Variants in TNNI3K observed in about 807,000 individuals in gnomAD.
TNNI3K encodes TNNI3 interacting kinase.
TNNI3K carries 140 observed loss-of-function variants against 114.5 expected under a neutral mutation model. The ratio of observed to expected loss-of-function variants is 1.22; its 90% CI spans 1.07 to 1.41. TNNI3K has a LOEUF of 1.41. Ranked by LOEUF, TNNI3K falls within the 40% of genes most tolerant of loss-of-function variation. The probability of loss-of-function intolerance (pLI) is 0.00; values close to 1 mark genes in which losing one functional copy is unlikely to be tolerated. For missense variants in TNNI3K, 1,125 were observed against 1,007.6 expected, an observed-to-expected ratio of 1.12 and a Z score of -1.58; for synonymous variants, 347 against 347.5, an observed-to-expected ratio of 1.00 and a Z score of 0.02.
intron 23 of TNNI3K, among the ~76,000 whole-genome samples, chr1:74,525,812 C>T (rs1291394166): frequency 6.6e-6 from 1 of 152,174 alleles, no homozygotes; most frequent in African/African-American, 2.4e-5. Context: ...AATGTCAAAA[C>T]CTGGGTTGCC....
At chr1:74,349,518 A>G (rs1019222523) in intron 9 of TNNI3K, among the ~76,000 whole-genome samples, 4 of 151,974 alleles carry the variant, frequency 2.6e-5, no homozygotes, top group East Asian at 1.9e-4. Flanking sequence ...CTCTTTTTCT[A>G]TTGATTGGAA....
At chr1:74,480,634 A>T (rs1379640972) in intron 21 of TNNI3K, 2 of 717,256 alleles carry the variant, frequency 2.8e-6, no homozygotes, top group East Asian at 5.4e-5. Context: ...TAGTAATCTG[A>T]TTCCCATCCA....
intron 21 of TNNI3K, among the ~76,000 whole-genome samples, chr1:74,476,784 C>A (rs1360610692): frequency 6.6e-6 from 1 of 152,108 alleles, no homozygotes; most frequent in African/African-American, 2.4e-5. Flanking sequence ...CTTTGACTGG[C>A]TACACCATGT....
intron 21 of TNNI3K, among the ~76,000 whole-genome samples, chr1:74,484,699 T>G (rs934139616): frequency 6.6e-6 from 1 of 151,812 alleles, no homozygotes; most frequent in East Asian, 1.9e-4. Flanking sequence ...CAGAGTGGAG[T>G]GTGTAAGAGG....
chr1:74,528,396 G>A (rs1271407834), intron 23 of TNNI3K, among the ~76,000 whole-genome samples: 2 of 152,104 alleles, frequency 1.3e-5, no homozygotes, highest in East Asian at 1.9e-4. Context: ...GGGAATAGGC[G>A]GGTAGGTGTC....
rs1268308593 is a variant in TNNI3K, at chr1:74,336,825, C to A, written c.682+676C>A. Among the ~76,000 whole-genome samples, 3 of 152,064 alleles carry A rather than the reference C, an allele frequency of 2.0e-5. No individual in the cohort carries two copies. In the East Asian group the frequency reaches 5.8e-4, roughly 29 times the overall value. On this transcript the variant is annotated intron_variant, in intron 7 of 24. Transcript: ENST00000326637. The stretch of plus-strand genomic sequence containing the variant: ...GCAATAAACATATGTGTGCATGTGT[C>A]TTTATAGCAGCATGATTTATAGTCC...
chr1:74,260,487 C>T (rs1655597199), intron 4 of TNNI3K, among the ~76,000 whole-genome samples: 2 of 152,040 alleles, frequency 1.3e-5, no homozygotes, highest in South Asian at 2.1e-4. Context: ...TCCTTATGCT[C>T]CTCAATTTTC....
intron 17 of TNNI3K, among the ~76,000 whole-genome samples, chr1:74,379,930 T>C (rs1408025681): frequency 1.3e-5 from 2 of 152,120 alleles, no homozygotes; most frequent in East Asian, 3.9e-4. Context: ...TCTCATTTAA[T>C]TTTGGCTGCA....
At position 74,381,415 on chromosome 1, in the gene TNNI3K, C is replaced by G. The variant is rs749548664; in HGVS notation, c.1772+11023C>G. Among the ~76,000 whole-genome samples the G allele has an allele frequency of 1.8e-4, 28 of 152,214 alleles. 1 individual carries two copies. The stretch of plus-strand genomic sequence containing the variant: ...GCATTATTTTTCTTCTTTATTCTTT[C>G]GAAAGAATCTTTTCACTATTAAATT... On this transcript the variant is annotated intron_variant, in intron 17 of 24. Coordinates refer to ENST00000326637, the MANE Select transcript of TNNI3K (RefSeq NM_015978.3).
intron 17 of TNNI3K, among the ~76,000 whole-genome samples, chr1:74,404,823 G>C (rs1469772075): frequency 6.6e-6 from 1 of 152,100 alleles, no homozygotes; most frequent in Non-Finnish European, 1.5e-5. Flanking sequence ...GTAAACTCCT[G>C]GTTATGATTC....
chr1:74,489,142 C>G, intron 21 of TNNI3K, 47 bp from the exon 22 acceptor site: 1 of 1,544,656 alleles, frequency 6.5e-7, no homozygotes, highest in Non-Finnish European at 8.8e-7. Flanking sequence ...AAGAGAGTCT[C>G]CTTCCTTTTA....
intron 24 of TNNI3K, among the ~76,000 whole-genome samples, chr1:74,542,487 C>T (rs1029456815): frequency 3.9e-5 from 6 of 152,172 alleles, no homozygotes; most frequent in Admixed American, 2.6e-4. Flanking sequence ...CCCCTCATCT[C>T]ATCCTCCCCC....
At chr1:74,506,409 G>A (rs1317318813) in intron 23 of TNNI3K, among the ~76,000 whole-genome samples, 2 of 152,192 alleles carry the variant, frequency 1.3e-5, no homozygotes, top group Non-Finnish European at 2.9e-5. Flanking sequence ...GATTTGAGCC[G>A]AGATCAGCCT....
chr1:74,263,911 C>T (rs1209124158), intron 4 of TNNI3K, among the ~76,000 whole-genome samples: 1 of 151,846 alleles, frequency 6.6e-6, no homozygotes, highest in Non-Finnish European at 1.5e-5. Flanking sequence ...TTTCAAGTAG[C>T]ATGTATTTAC....
intron 21 of TNNI3K, among the ~76,000 whole-genome samples, chr1:74,463,836 C>A (rs1367801619): frequency 6.6e-6 from 1 of 152,172 alleles, no homozygotes; most frequent in Non-Finnish European, 1.5e-5. Flanking sequence ...TTTTTATTAA[C>A]TACGCGTGAG....
At chr1:74,320,431 G>T (rs1217939561) in intron 5 of TNNI3K, among the ~76,000 whole-genome samples, 1 of 152,094 alleles carries the variant, frequency 6.6e-6, no homozygotes, top group East Asian at 1.9e-4. Context: ...CAATTTTATT[G>T]TTAAATAGTC....
chr1:74,376,490 A>G (rs886736753), intron 17 of TNNI3K: 1 of 152,000 alleles, frequency 6.6e-6, no homozygotes, highest in East Asian at 1.9e-4. Context: ...AACTGATTAT[A>G]TTACCATACT....
chr1:74,394,125 T>C (rs1663949632), intron 17 of TNNI3K, among the ~76,000 whole-genome samples: 1 of 152,224 alleles, frequency 6.6e-6, no homozygotes, highest in Non-Finnish European at 1.5e-5. Context: ...AAATCAACAA[T>C]ATTATCTGGT....
At chr1:74,298,203 G>A (rs1658109415) in intron 5 of TNNI3K, among the ~76,000 whole-genome samples, 1 of 152,132 alleles carries the variant, frequency 6.6e-6, no homozygotes, top group Admixed American at 6.5e-5. Context: ...TACAATAGTA[G>A]AGTAGGCATA....
Sources: allele counts gnomAD v4.1 joint callset (sites outside exome capture counted in the v4.1 genomes callset), GRCh38; gene constraint gnomAD v4.1.1; transcripts MANE v1.5; gene names NCBI Gene and HGNC (gene_info 2026-07-23, HGNC 2026-07-21).